STXBP4: variants seen among roughly 807,000 people sequenced by gnomAD.
STXBP4 encodes syntaxin binding protein 4.
Under a neutral mutation model 76.1 loss-of-function variants are expected in STXBP4, and 55 were observed. That is an observed-to-expected ratio of 0.72 (90% CI 0.58 to 0.91). The LOEUF is 0.91. Ranked by LOEUF, STXBP4 falls within the 40% of genes least tolerant of loss-of-function variation. The pLI is 0.00. For synonymous variants in STXBP4, 201 were observed against 220.2 expected (o/e 0.91, Z 0.77); for missense variants, 618 against 636.9 (o/e 0.97, Z 0.32).
chr17:55,036,967 A>C (rs1475160043), intron 10 of STXBP4, among the ~76,000 whole-genome samples: 1 of 152,062 alleles, frequency 6.6e-6, no homozygotes, highest in African/African-American at 2.4e-5. Context: ...AAAATGATGC[A>C]TGTCACTTTT....
chr17:55,105,740 A>AATCCC (rs2079627292), intron 16 of STXBP4, among the ~76,000 whole-genome samples: 2 of 152,076 alleles, frequency 1.3e-5, no homozygotes, highest in Non-Finnish European at 2.9e-5. Context: ...GGCCTCCCAA[A>AATCCC]GTGCTGGGAT....
intron 12 of STXBP4, among the ~76,000 whole-genome samples, chr17:55,066,531 G>T (rs899489507): frequency 2.6e-5 from 4 of 151,878 alleles, no homozygotes; most frequent in Non-Finnish European, 4.4e-5. Flanking sequence ...GCCAAAAATT[G>T]TAATTTTTAA....
chr17:55,208,577 A>AGAAGGAAGGAAGGACGGAAGGAAGGAAG, the STXBP4 span, among the ~76,000 whole-genome samples: 1 of 90,334 alleles, frequency 1.1e-5, no homozygotes. Flanking sequence ...GAGGGAGGGA[A>AGAAGGAAGGAAGGACGGAAGGAAGGAAG]GAAGGAAGGA....
Position 54,986,236 on chromosome 17 carries a change from C to T in STXBP4, c.17C>T (p.Ser6Phe), listed in dbSNP as rs558342228. The T allele has an allele frequency of 1.7e-5, 27 of 1,603,478 alleles. No homozygotes were observed. In the South Asian group the frequency reaches 2.7e-4, roughly 16 times the overall value. The change falls in exon 3 of 18, where the codon TCT (serine) becomes TTT (phenylalanine). Residue 6 changes from serine to phenylalanine, a missense_variant. Transcript: ENST00000376352. MNKNT[S>F]TVVSPSLLEK... ...GGTGAAAGCATGAATAAAAATACAT[C>T]TACTGTAGTATCACCCAGTCTACTT... is the stretch of plus-strand genomic sequence containing the variant.
chr17:55,095,902 T>C (rs772245969), intron 16 of STXBP4, among the ~76,000 whole-genome samples: 3 of 152,190 alleles, frequency 2.0e-5, no homozygotes, highest in Non-Finnish European at 4.4e-5. Context: ...CTCATAGAAA[T>C]ATAGTTAAGA....
chr17:55,076,281 C>T (rs1485488332), intron 13 of STXBP4, among the ~76,000 whole-genome samples: 2 of 152,052 alleles, frequency 1.3e-5, no homozygotes, highest in East Asian at 3.8e-4. Context: ...TAATAGACTC[C>T]ATTTTTACCA....
At chr17:55,137,998 CATTT>C (rs938959583) in intron 16 of STXBP4, among the ~76,000 whole-genome samples, 1 of 152,022 alleles carries the variant, frequency 6.6e-6, no homozygotes, top group Admixed American at 6.6e-5. Context: ...CACATGTGTT[CATTT>C]GTGTTTCATG....
chr17:55,042,675 T>C (rs1271941478), intron 10 of STXBP4, among the ~76,000 whole-genome samples: 1 of 152,148 alleles, frequency 6.6e-6, no homozygotes, highest in Non-Finnish European at 1.5e-5. Context: ...GCATTTTTTG[T>C]TATTGTTATT....
chr17:55,123,212 A>G (rs1248956668), intron 16 of STXBP4, among the ~76,000 whole-genome samples: 1 of 152,202 alleles, frequency 6.6e-6, no homozygotes, highest in African/African-American at 2.4e-5. Context: ...TAAACATAGC[A>G]GCTTTTGTGT....
Position 55,159,989 on chromosome 17 carries a change from C to A in STXBP4, c.*78C>A. On this transcript the variant is annotated 3_prime_UTR_variant, in exon 18 of 18. Coordinates refer to ENST00000376352, the MANE Select transcript of STXBP4 (RefSeq NM_178509.6). ...ACATCCAATTCTGAGATGAAACAGT[C>A]TAAAATAGGAGTAAAGCATGCACTA... 1.2e-6 allele frequency: 1 copy of A among 865,348 alleles called. No homozygotes were observed. The highest frequency in any genetic ancestry group is 1.9e-6 in the Non-Finnish European group (1 of 529,010). The allele number at this position is 865,348 out of a possible 1,614,324, so 53.6% of individuals were successfully genotyped here.
At chr17:55,139,068 T>G (rs1490731759) in intron 16 of STXBP4, among the ~76,000 whole-genome samples, 1 of 152,170 alleles carries the variant, frequency 6.6e-6, no homozygotes, top group Non-Finnish European at 1.5e-5. Flanking sequence ...TTATTTAATA[T>G]GCAGGGATAT....
intron 1 of STXBP4, among the ~76,000 whole-genome samples, chr17:54,981,376 C>A (rs542694625): frequency 6.6e-6 from 1 of 150,736 alleles, no homozygotes; most frequent in Admixed American, 6.7e-5. Context: ...CATTGGTGTA[C>A]AAATAAACAA....
chr17:55,120,923 G>C (rs1381852397), intron 16 of STXBP4, among the ~76,000 whole-genome samples: 1 of 152,110 alleles, frequency 6.6e-6, no homozygotes, highest in Non-Finnish European at 1.5e-5. Context: ...CTTGCACACA[G>C]AAGTGGTGCC....
At chr17:55,024,248 A>G (rs773617180) in intron 8 of STXBP4, among the ~76,000 whole-genome samples, 3 of 152,236 alleles carry the variant, frequency 2.0e-5, no homozygotes, top group Non-Finnish European at 4.4e-5. Flanking sequence ...CACATCGTTT[A>G]ACCTCACAAT....
chr17:54,994,944 G>T (rs1296801273), intron 4 of STXBP4, among the ~76,000 whole-genome samples: 2 of 151,848 alleles, frequency 1.3e-5, no homozygotes, highest in Non-Finnish European at 2.9e-5. Context: ...CCCAGTCTAG[G>T]CTAGGTTTTA....
chr17:55,178,278 G>A (rs1202194688), downstream of STXBP4, among the ~76,000 whole-genome samples: 1 of 152,120 alleles, frequency 6.6e-6, no homozygotes, highest in African/African-American at 2.4e-5. Flanking sequence ...ATTTAATCCT[G>A]ACGGTTCTTC....
intron 17 of STXBP4, among the ~76,000 whole-genome samples, chr17:55,151,809 A>G (rs2080220528): frequency 6.6e-6 from 1 of 152,200 alleles, no homozygotes; most frequent in African/African-American, 2.4e-5. Flanking sequence ...AATAATTTTA[A>G]CAAAACCTGG....
chr17:54,981,863 G>A (rs2077555250), intron 1 of STXBP4, among the ~76,000 whole-genome samples: 1 of 151,992 alleles, frequency 6.6e-6, no homozygotes, highest in Admixed American at 6.6e-5. Context: ...TAGAAGAATT[G>A]GCAAAAGATG....
At chr17:55,102,807 A>G (rs970059698) in intron 16 of STXBP4, among the ~76,000 whole-genome samples, 11 of 152,062 alleles carry the variant, frequency 7.2e-5, no homozygotes, top group African/African-American at 9.7e-5. Flanking sequence ...TGACTTTTTA[A>G]TGATTGCCAT....
Sources: allele counts gnomAD v4.1 joint callset (sites outside exome capture counted in the v4.1 genomes callset), GRCh38; gene constraint gnomAD v4.1.1; transcripts MANE v1.5; gene names NCBI Gene and HGNC (gene_info 2026-07-23, HGNC 2026-07-21).